TEC: variants seen among roughly 807,000 people sequenced by gnomAD.
TEC encodes tyrosine-protein kinase Tec.
Under a neutral mutation model 93.0 loss-of-function variants are expected in TEC, and 72 were observed. That is an observed-to-expected ratio of 0.77 (90% CI 0.64 to 0.94). The LOEUF (loss-of-function observed/expected upper bound fraction) is 0.94. Among genes scored for constraint, TEC ranks in the 40% least tolerant of loss-of-function variants. The pLI, the probability that TEC is intolerant of heterozygous loss-of-function variation, is 0.00. For missense variants in TEC, 630 were observed against 757.9 expected, an observed-to-expected ratio of 0.83 and a Z score of 1.98; for synonymous variants, 249 against 247.7, an observed-to-expected ratio of 1.01 and a Z score of -0.05.
intron 2 of TEC, among the ~76,000 whole-genome samples, chr4:48,226,669 A>G (rs1466052831): frequency 1.3e-4 from 20 of 152,190 alleles, no homozygotes; most frequent in Admixed American, 3.3e-4. Flanking sequence ...TGTCCTCAGT[A>G]AGACTTCCAG....
At position 48,167,758 on chromosome 4, in the gene TEC, C is replaced by T. The variant is rs114076884; in HGVS notation, c.671+20G>A. On this transcript the variant is annotated intron_variant, in intron 7 of 17. Transcript: ENST00000381501. ...TCCCACCTACCCACTGCATATCACA[C>T]ACATAGAGGGAATACTTACCCATAT... 2.0e-3 allele frequency: 3,297 copies of T among 1,612,044 alleles called. 65 individuals carry two copies. In the African/African-American group the frequency reaches 0.04, roughly 19 times the overall value.
chr4:48,159,169 C>T (rs1720521214), intron 8 of TEC, among the ~76,000 whole-genome samples: 1 of 151,874 alleles, frequency 6.6e-6, no homozygotes, highest in South Asian at 2.1e-4. Context: ...ACACAGATAC[C>T]ACACACCTCT....
intron 9 of TEC, among the ~76,000 whole-genome samples, chr4:48,153,919 G>A (rs1278221954): frequency 1.3e-5 from 2 of 152,172 alleles, no homozygotes; most frequent in Non-Finnish European, 1.5e-5. Context: ...TTACCAGGAG[G>A]GACAACCTTG....
intron 1 of TEC, among the ~76,000 whole-genome samples, chr4:48,255,202 T>C (rs1724309457): frequency 6.6e-6 from 1 of 152,144 alleles, no homozygotes; most frequent in Non-Finnish European, 1.5e-5. Context: ...CAGTGCTGCT[T>C]CTCACTGCAC....
intron 2 of TEC, among the ~76,000 whole-genome samples, chr4:48,183,548 T>C (rs1009515614): frequency 3.9e-5 from 6 of 152,234 alleles, no homozygotes; most frequent in African/African-American, 9.6e-5. Context: ...ACTCTTTTCT[T>C]AAAGCTGGGA....
intron 5 of TEC, 96 bp downstream of exon 5, chr4:48,170,152 G>A (rs571881208): frequency 3.8e-6 from 4 of 1,048,264 alleles, no homozygotes; most frequent in Middle Eastern, 4.3e-4. Context: ...ACTAGAAAGT[G>A]TGCTGTACTT....
At chr4:48,257,420 T>G (rs1724372585) in intron 1 of TEC, among the ~76,000 whole-genome samples, 1 of 150,516 alleles carries the variant, frequency 6.6e-6, no homozygotes, top group South Asian at 2.1e-4. Context: ...TCTTTCTAGG[T>G]TGTCCAGCTC....
chr4:48,182,650 G>A (rs1470378966), intron 2 of TEC, among the ~76,000 whole-genome samples: 1 of 151,892 alleles, frequency 6.6e-6, no homozygotes, highest in Non-Finnish European at 1.5e-5. Flanking sequence ...GCGTATATGG[G>A]AAAATGAGGC....
chr4:48,245,698 T>C (rs1724034806), intron 1 of TEC, among the ~76,000 whole-genome samples: 2 of 152,112 alleles, frequency 1.3e-5, no homozygotes, highest in African/African-American at 2.4e-5. Context: ...TAAGATAATA[T>C]AGCCAAAATT....
intron 1 of TEC, among the ~76,000 whole-genome samples, chr4:48,265,497 G>GTGTGTATA (rs140621313): frequency 1.3e-4 from 15 of 118,668 alleles, no homozygotes; most frequent in African/African-American, 4.8e-4. Context: ...ATATATGTGT[G>GTGTGTATA]TATATATATA....
At chr4:48,248,263 T>C (rs1298946370) in intron 1 of TEC, among the ~76,000 whole-genome samples, 1 of 152,306 alleles carries the variant, frequency 6.6e-6, no homozygotes, top group South Asian at 2.1e-4. Flanking sequence ...GCAGGTCAGT[T>C]GGGCTTTCCT....
intron 2 of TEC, among the ~76,000 whole-genome samples, chr4:48,215,107 C>T (rs1723031158): frequency 1.3e-5 from 2 of 151,948 alleles, no homozygotes; most frequent in South Asian, 2.1e-4. Context: ...AAGCCAAGAT[C>T]ATGCCATTGC....
chr4:48,189,871 C>T (rs572891375), intron 2 of TEC, among the ~76,000 whole-genome samples: 122 of 152,264 alleles, frequency 8.0e-4, no homozygotes, highest in African/African-American at 2.7e-3. Flanking sequence ...TGTTACCTCT[C>T]CAAAAATAGC....
intron 2 of TEC, among the ~76,000 whole-genome samples, chr4:48,224,937 C>T (rs1723392991): frequency 6.6e-6 from 1 of 152,000 alleles, no homozygotes; most frequent in Admixed American, 6.6e-5. Context: ...CACTTGGTAG[C>T]CACAAAGAAA....
chr4:48,152,868 T>A (rs889182866), intron 9 of TEC, among the ~76,000 whole-genome samples: 5 of 152,168 alleles, frequency 3.3e-5, no homozygotes, highest in East Asian at 1.9e-4. Context: ...TTGAGCATGA[T>A]AATAAGCAGG....
chr4:48,170,329 A>T lies in TEC; in HGVS notation c.373T>A (p.Trp125Arg). 2.7e-6 allele frequency: 4 copies of T among 1,497,062 alleles called. No homozygotes were observed. The highest frequency in any genetic ancestry group is 2.8e-6 in the Non-Finnish European group (3 of 1,076,146). The allele number at this position is 1,497,062 out of a possible 1,614,324, so 92.7% of individuals were successfully genotyped here. A position where few individuals can be genotyped will look rare whatever the true frequency, so the allele number is the denominator to read the frequency against. Residue 125 changes from tryptophan to arginine, a missense_variant, in exon 5 of 18, where the codon TGG becomes AGG. This residue lies in a region of TEC where 335 missense variants were observed against 351.5 expected (regional missense o/e 0.95). Transcript: ENST00000381501. ...NIMIKYHPKF[W>R]TDGSYQCCRQ... is the part of the protein sequence containing the mutation. ...CAACACTGATAACTTCCATCTGTCCAGAATTTAGGATGATATTTAATCATA... is the reference window on the plus strand; with the variant it reads ...CAACACTGATAACTTCCATCTGTCCTGAATTTAGGATGATATTTAATCATA...
intron 2 of TEC, among the ~76,000 whole-genome samples, chr4:48,188,917 G>A (rs912324832): frequency 9.2e-5 from 14 of 152,126 alleles, no homozygotes; most frequent in Admixed American, 3.3e-4. Flanking sequence ...GCGCACACAC[G>A]CATGAATTGC....
chr4:48,149,646 G>A lies in TEC; in HGVS notation c.917C>T (p.Thr306Ile), dbSNP rs541078451. The A allele has an allele frequency of 2.5e-6, 4 of 1,612,258 alleles. No individual in the cohort carries two copies. In the South Asian group the frequency reaches 4.4e-5, roughly 18 times the overall value. Residue 306 changes from threonine (T) to isoleucine (I), a missense_variant, in exon 11 of 18, where the codon ACA (threonine) becomes ATA (isoleucine). Physicochemically the swap from Thr to Ile is moderately conservative, Grantham distance 89. This residue lies in a region of TEC where 335 missense variants were observed against 351.5 expected (regional missense o/e 0.95). Transcript: ENST00000381501. ...GFRHYHIKET[T>I]TSPKKYYLAE... ...TAGGTAATACTTCTTTGGAGATGTTGTTGTTTCCTTTATATGATAATGCCT... is the reference window on the plus strand; with the variant it reads ...TAGGTAATACTTCTTTGGAGATGTTATTGTTTCCTTTATATGATAATGCCT...
rs758922575 is a variant in TEC, at chr4:48,138,756, A to G, written c.1721T>C (p.Val574Ala). ...MPFEKYTNYE[V>A]VTMVTRGHRL... Reference sequence around the variant, plus strand: ...GTGGCCTCGAGTAACCATGGTTACCACTTCATAATTGGTGTATTTTTCAAA... The same window carrying G: ...GTGGCCTCGAGTAACCATGGTTACCGCTTCATAATTGGTGTATTTTTCAAA... The change falls in exon 17 of 18, where the codon GTG (valine) becomes GCG (alanine). Residue 574 changes from valine to alanine, a missense_variant. Val to Ala is a moderately conservative substitution (Grantham distance 64, BLOSUM62 0). Coordinates refer to ENST00000381501, the MANE Select transcript of TEC (RefSeq NM_003215.3). 2 of 1,614,156 alleles carry G rather than the reference A, an allele frequency of 1.2e-6. No individual in the cohort carries two copies. The highest frequency in any genetic ancestry group is 1.1e-5 in the South Asian group (1 of 91,080).
Sources: allele counts gnomAD v4.1 joint callset (sites outside exome capture counted in the v4.1 genomes callset), GRCh38; gene constraint gnomAD v4.1.1; regional missense constraint gnomAD v4.1.1; transcripts MANE v1.5; gene names NCBI Gene and HGNC (gene_info 2026-07-23, HGNC 2026-07-21).